The following CPM variants were observed in gnomAD, a reference collection of about 807,000 sequenced individuals.
CPM encodes carboxypeptidase M, also known as renal carboxypeptidase.
A neutral mutation model predicts 46.4 loss-of-function variants in CPM; 35 were observed. The observed-to-expected ratio is 0.75, with a 90% confidence interval of 0.58 to 1.00. The LOEUF is 1.00. CPM is among the 50% of genes least tolerant of loss of function. The probability of loss-of-function intolerance (pLI) is 0.00; values close to 1 mark genes in which losing one functional copy is unlikely to be tolerated. For synonymous variants in CPM, 195 were observed against 195.3 expected (o/e 1.00, Z 0.01); for missense variants, 422 against 530.4 (o/e 0.80, Z 2.01).
intron 2 of CPM, among the ~76,000 whole-genome samples, chr12:68,927,998 T>C (rs1288736539): frequency 1.3e-5 from 2 of 152,282 alleles, no homozygotes; most frequent in South Asian, 2.1e-4. Context: ...AATGACTTTC[T>C]TCACAGAATT....
chr12:68,893,524 T>G (rs1886744077), intron 2 of CPM, among the ~76,000 whole-genome samples: 1 of 152,200 alleles, frequency 6.6e-6, no homozygotes, highest in Admixed American at 6.5e-5. Flanking sequence ...CCCAGGGGTC[T>G]TGTGCTGCTG....
At chr12:68,843,993 T>A (rs777082399) in intron 5 of CPM, 1 of 208,332 alleles carries the variant, frequency 4.8e-6, no homozygotes, top group Non-Finnish European at 9.8e-6. Context: ...GAATCTGTTT[T>A]TTTCTGAGGA....
chr12:68,924,793 G>A (rs1043656600), intron 2 of CPM, among the ~76,000 whole-genome samples: 1 of 152,160 alleles, frequency 6.6e-6, no homozygotes, highest in Non-Finnish European at 1.5e-5. Context: ...ATGACCAAGT[G>A]TTGTGCCAAA....
At chr12:68,882,857 T>C (rs910200482) in intron 3 of CPM, among the ~76,000 whole-genome samples, 2 of 152,166 alleles carry the variant, frequency 1.3e-5, no homozygotes, top group African/African-American at 4.8e-5. Context: ...CACCAGACAA[T>C]TTCTAATTTA....
Position 68,961,934 on chromosome 12 carries a change from C to T in CPM, c.-4+1235G>A, listed in dbSNP as rs143853609. 1.4e-3 allele frequency among the ~76,000 whole-genome samples: 216 copies of T among 151,994 alleles called. 1 individual carries two copies. Among genetic ancestry groups the T allele is most frequent in the African/African-American group, 4.9e-3 (203 of 41,466 alleles). ...TGGTAATAATGGCCGGGCGTGGTGG[C>T]TCATGTCTGTAATCCCAGCACTTTG... is the stretch of plus-strand genomic sequence containing the variant. On this transcript the variant is annotated intron_variant, in intron 1 of 8. Coordinates refer to the CPM transcript ENST00000546373.
Position 68,893,293 on chromosome 12 carries a change from T to C in CPM, c.161-7404A>G, listed in dbSNP as rs188003693. 1.1e-4 allele frequency among the ~76,000 whole-genome samples: 17 copies of C among 152,204 alleles called. No individual in the cohort carries two copies. In the East Asian group the frequency reaches 2.5e-3, roughly 22 times the overall value. On this transcript the variant is annotated intron_variant, in intron 2 of 8. Transcript: ENST00000551568. ...CACCTGGCATGCACTGCGATTTCTG[T>C]AGAGTTTCAGGTTTGGGCCAGTCCA...
intron 2 of CPM, among the ~76,000 whole-genome samples, chr12:68,907,780 C>T (rs943303579): frequency 2.0e-5 from 3 of 152,100 alleles, no homozygotes; most frequent in Non-Finnish European, 2.9e-5. Flanking sequence ...CCTTTGCTAG[C>T]CAGAATGAAA....
chr12:68,892,635 G>A (rs977816061), intron 2 of CPM, among the ~76,000 whole-genome samples: 6 of 152,116 alleles, frequency 3.9e-5, no homozygotes, highest in Admixed American at 2.0e-4. Context: ...CAAGGCAGGC[G>A]GATCACCTGA....
chr12:68,869,388 A>C lies in CPM; in HGVS notation c.724T>G (p.Cys242Gly). The C allele has an allele frequency of 1.2e-6, 2 of 1,613,904 alleles. No individual in the cohort carries two copies. Among genetic ancestry groups the C allele is most frequent in the Non-Finnish European group, 1.7e-6 (2 of 1,179,968 alleles). The stretch of plus-strand genomic sequence containing the variant: ...TTAGGAAAGTTCATTTTGTTTTTAC[A>C]CTCGTCTCCTTTCTTCATGTTGGGA... The part of the protein sequence containing the change: ...RNPNMKKGDE[C>G]KNKMNFPNGV... Residue 242 changes from cysteine to glycine, a missense_variant, in exon 6 of 9, where the codon TGT becomes GGT. Cys to Gly is a radical substitution (Grantham distance 159, BLOSUM62 -3). Transcript: ENST00000551568.
intron 2 of CPM, among the ~76,000 whole-genome samples, chr12:68,918,670 AG>A (rs1479978432): frequency 2.6e-5 from 4 of 150,968 alleles, no homozygotes; most frequent in African/African-American, 4.9e-5. Context: ...CCCATTAGCA[AG>A]TACTCTTGGT....
intron 1 of CPM, among the ~76,000 whole-genome samples, chr12:68,942,940 G>A (rs996946557): frequency 6.6e-6 from 1 of 152,070 alleles, no homozygotes; most frequent in African/African-American, 2.4e-5. Context: ...AAATCTAAAC[G>A]TTTGAAATTA....
downstream of CPM, chr12:68,847,181 G>GTGTACAT (rs1884360290): frequency 1.5e-5 from 1 of 66,700 alleles, no homozygotes; most frequent in Non-Finnish European, 3.1e-5. Context: ...GTTTATGTAT[G>GTGTACAT]TATGTGTGTG....
chr12:68,955,698 A>C (rs1644289218), intron 1 of CPM, among the ~76,000 whole-genome samples: 1 of 152,162 alleles, frequency 6.6e-6, no homozygotes, highest in South Asian at 2.1e-4. Context: ...TCCTATCCGC[A>C]GACAGGTTGT....
chr12:68,902,229 A>T (rs1024239692), intron 2 of CPM, among the ~76,000 whole-genome samples: 1 of 152,230 alleles, frequency 6.6e-6, no homozygotes, highest in African/African-American at 2.4e-5. Context: ...CATGAGTGGT[A>T]CTAATTAATT....
chr12:68,901,242 G>A (rs1176698265), intron 2 of CPM, among the ~76,000 whole-genome samples: 1 of 152,206 alleles, frequency 6.6e-6, no homozygotes, highest in Non-Finnish European at 1.5e-5. Flanking sequence ...AAAAGCTGGT[G>A]AGGAGGGAAA....
At chr12:68,896,639 G>T (rs1886886573) in intron 2 of CPM, among the ~76,000 whole-genome samples, 1 of 152,148 alleles carries the variant, frequency 6.6e-6, no homozygotes, top group African/African-American at 2.4e-5. Flanking sequence ...CAGTTTTCTA[G>T]ATCAAATCAA....
At chr12:68,941,258 T>C (rs1461166407) in intron 1 of CPM, among the ~76,000 whole-genome samples, 1 of 151,986 alleles carries the variant, frequency 6.6e-6, no homozygotes, top group African/African-American at 2.4e-5. Flanking sequence ...TCTAAACATT[T>C]GAAATTAATT....
chr12:68,899,595 G>A (rs928420727), intron 2 of CPM, among the ~76,000 whole-genome samples: 2 of 152,212 alleles, frequency 1.3e-5, no homozygotes, highest in Non-Finnish European at 2.9e-5. Flanking sequence ...CCAAGAGCTT[G>A]TAGACAAGGA....
chr12:68,845,755 A>T (rs1884243216), intron 5 of CPM: 1 of 158,826 alleles, frequency 6.3e-6, no homozygotes, highest in Non-Finnish European at 1.4e-5. Context: ...CTAATTCCAA[A>T]ATTTCACCTT....
Sources: gnomAD v4.1 joint callset for allele counts (sites outside exome capture counted in the v4.1 genomes callset) on GRCh38, gnomAD v4.1.1 for gene constraint, MANE v1.5 for transcripts, NCBI Gene and HGNC (gene_info 2026-07-23, HGNC 2026-07-21) for gene names.